Variants in KAZN observed in about 807,000 individuals in gnomAD.
KAZN encodes the protein kazrin, periplakin interacting protein, also known as kazrin.
In KAZN, 40 loss-of-function variants were observed where a neutral mutation model predicts 87.4. The observed-to-expected ratio is 0.46, with a 90% CI of 0.36 to 0.60. The LOEUF (loss-of-function observed/expected upper bound fraction) is 0.60, where lower values mean the gene tolerates loss of function less well. Among genes scored for constraint, KAZN ranks in the 20% least tolerant of loss-of-function variants. The probability of loss-of-function intolerance (pLI) is 0.00; values close to 1 mark genes in which losing one functional copy is unlikely to be tolerated. For missense variants in KAZN, 898 were observed against 1,073.9 expected, an observed-to-expected ratio of 0.84 and a Z score of 2.29; for synonymous variants, 466 against 458.3, an observed-to-expected ratio of 1.02 and a Z score of -0.22.
At chr1:14,058,494 T>TC (rs1410407656) in intron 1 of KAZN, among the ~76,000 whole-genome samples, 1 of 152,092 alleles carries the variant, frequency 6.6e-6, no homozygotes, top group African/African-American at 2.4e-5. Context: ...TGACACCAAG[T>TC]CACATAACAA....
At chr1:14,979,408 C>CA (rs769301025) in intron 2 of KAZN, among the ~76,000 whole-genome samples, 163 of 151,398 alleles carry the variant, frequency 1.1e-3, no homozygotes, top group Non-Finnish European at 1.3e-3. Context: ...GACTTCCTCT[C>CA]AAAAAAAATA....
intron 2 of KAZN, among the ~76,000 whole-genome samples, chr1:14,516,479 C>G (rs1571844728): frequency 1.3e-5 from 2 of 152,188 alleles, no homozygotes; most frequent in Non-Finnish European, 2.9e-5. Flanking sequence ...GAGATGAGCA[C>G]ATGACCCACG....
chr1:14,867,724 A>ACCCCCCCCCCCCCC (rs1553148134), intron 1 of KAZN, among the ~76,000 whole-genome samples: 1 of 107,422 alleles, frequency 9.3e-6, no homozygotes, highest in East Asian at 3.2e-4. Flanking sequence ...CTTTGAAGAC[A>ACCCCCCCCCCCCCC]CCCCCCCCCC....
chr1:14,555,519 C>A (rs1304988779), intron 2 of KAZN, among the ~76,000 whole-genome samples: 1 of 152,090 alleles, frequency 6.6e-6, no homozygotes, highest in Non-Finnish European at 1.5e-5. Flanking sequence ...TACATTGAAT[C>A]TACATTTCAA....
intron 2 of KAZN, among the ~76,000 whole-genome samples, chr1:14,586,356 C>A (rs192817156): frequency 1.8e-4 from 28 of 152,212 alleles, no homozygotes; most frequent in Admixed American, 1.8e-3. Flanking sequence ...TACTGAACAC[C>A]CACCATGGTC....
At chr1:15,035,317 T>A (rs1206253558) in intron 3 of KAZN, among the ~76,000 whole-genome samples, 12 of 152,192 alleles carry the variant, frequency 7.9e-5, no homozygotes, top group Non-Finnish European at 1.8e-4. Flanking sequence ...AGCTAACATT[T>A]ACTAACACCA....
chr1:15,109,638 T>C (rs2223692), intron 13 of KAZN, among the ~76,000 whole-genome samples: 36,001 of 131,426 alleles, frequency 0.27, 4,285 homozygotes, highest in South Asian at 0.41. Flanking sequence ...TATATGTGTA[T>C]GTGTGTTTGT....
At chr1:14,213,131 G>C (rs16853797) in intron 2 of KAZN, among the ~76,000 whole-genome samples, 1,533 of 152,144 alleles carry the variant, frequency 0.01, 19 homozygotes, top group African/African-American at 0.034. Context: ...TTATTTAAAG[G>C]CTATTTTAGC....
chr1:15,012,407 G>T (rs11578349), intron 2 of KAZN, among the ~76,000 whole-genome samples: 19,402 of 152,118 alleles, frequency 0.13, 1,824 homozygotes, highest in African/African-American at 0.26. Context: ...AATCTCCCAT[G>T]GTGAGTAAGG....
intron 1 of KAZN, among the ~76,000 whole-genome samples, chr1:13,937,529 T>C (rs1313890721): frequency 1.3e-5 from 2 of 152,196 alleles, no homozygotes; most frequent in African/African-American, 4.8e-5. Flanking sequence ...TTTAGTTTAA[T>C]TAAGTCTCAT....
intron 2 of KAZN, among the ~76,000 whole-genome samples, chr1:14,407,153 G>A (rs996872423): frequency 2.6e-5 from 4 of 152,282 alleles, no homozygotes; most frequent in Middle Eastern, 3.4e-3. Flanking sequence ...TATTCATTCC[G>A]TCGATGGACA....
At chr1:14,345,554 G>A (rs1658047790) in intron 2 of KAZN, among the ~76,000 whole-genome samples, 1 of 152,152 alleles carries the variant, frequency 6.6e-6, no homozygotes, top group African/African-American at 2.4e-5. Flanking sequence ...CTTTCACACT[G>A]TGTCTTTAAA....
intron 2 of KAZN, among the ~76,000 whole-genome samples, chr1:14,189,626 CAG>C (rs1375910720): frequency 2.0e-5 from 3 of 152,120 alleles, no homozygotes; most frequent in Admixed American, 6.5e-5. Flanking sequence ...AGGCTAACTC[CAG>C]AATATTTCCA....
chr1:14,245,338 G>A (rs1024525076), intron 2 of KAZN, among the ~76,000 whole-genome samples: 1 of 152,020 alleles, frequency 6.6e-6, no homozygotes, highest in African/African-American at 2.4e-5. Flanking sequence ...GAGTGAATTT[G>A]TGTCCATGTA....
At chr1:14,661,963 C>A (rs1249849941) in intron 1 of KAZN, among the ~76,000 whole-genome samples, 1 of 152,176 alleles carries the variant, frequency 6.6e-6, no homozygotes, top group Non-Finnish European at 1.5e-5. Context: ...GGGGTAGAAT[C>A]ATAGCATCAT....
intron 2 of KAZN, among the ~76,000 whole-genome samples, chr1:14,560,423 A>G (rs1674177037): frequency 6.6e-6 from 1 of 152,158 alleles, no homozygotes; most frequent in Non-Finnish European, 1.5e-5. Context: ...CTACTAAAAT[A>G]CAAAAATTAG....
intron 1 of KAZN, among the ~76,000 whole-genome samples, chr1:14,752,900 A>G (rs1248336131): frequency 6.6e-6 from 1 of 152,232 alleles, no homozygotes; most frequent in African/African-American, 2.4e-5. Context: ...GATCAGTTTC[A>G]GTGCAGCCCA....
intron 1 of KAZN, chr1:14,924,351 C>A: frequency 2.0e-6 from 2 of 988,480 alleles, no homozygotes; most frequent in South Asian, 9.0e-5. Context: ...GTAGCGTCCC[C>A]CCGGGCACCC....
chr1:14,370,895 T>G (rs534689838), intron 2 of KAZN, among the ~76,000 whole-genome samples: 2 of 152,234 alleles, frequency 1.3e-5, no homozygotes, highest in South Asian at 4.2e-4. Flanking sequence ...GTGTTGTCCA[T>G]GCTGATTTCA....
Sources: allele counts gnomAD v4.1 joint callset (sites outside exome capture counted in the v4.1 genomes callset), GRCh38; gene constraint gnomAD v4.1.1; transcripts MANE v1.5; gene names NCBI Gene and HGNC (gene_info 2026-07-23, HGNC 2026-07-21).